The following ROBO2 variants were observed in gnomAD, a reference collection of about 807,000 sequenced individuals.
ROBO2 encodes roundabout homolog 2.
A neutral mutation model predicts 160.8 loss-of-function variants in ROBO2; 53 were observed. The observed-to-expected ratio is 0.33, with a 90% CI of 0.26 to 0.41. ROBO2 has a LOEUF of 0.41. Among genes scored for constraint, ROBO2 ranks in the 10% least tolerant of loss-of-function variants. The pLI, the probability that ROBO2 is intolerant of heterozygous loss-of-function variation, is 1.00. For missense variants in ROBO2, 1,577 were observed against 1,722.4 expected (o/e 0.92, Z 1.49); for synonymous variants, 664 against 611.7 (o/e 1.09, Z -1.26).
intron 2 of ROBO2, among the ~76,000 whole-genome samples, chr3:76,257,117 T>C (rs1407935999): frequency 1.3e-5 from 2 of 151,958 alleles, no homozygotes; most frequent in African/African-American, 2.4e-5. Flanking sequence ...CATTAGGGAT[T>C]ACAACTCATA....
intron 2 of ROBO2, among the ~76,000 whole-genome samples, chr3:77,359,837 C>T (rs182453281): frequency 3.3e-5 from 5 of 151,970 alleles, no homozygotes; most frequent in African/African-American, 1.2e-4. Context: ...TGCCACCACA[C>T]TCACCAAATA....
chr3:76,851,987 A>T (rs992965440), intron 2 of ROBO2, among the ~76,000 whole-genome samples: 5 of 152,006 alleles, frequency 3.3e-5, no homozygotes, highest in Non-Finnish European at 7.3e-5. Context: ...AGAAAGAAAA[A>T]CTACAGAGTA....
intron 2 of ROBO2, among the ~76,000 whole-genome samples, chr3:76,883,053 C>A (rs907485944): frequency 6.6e-6 from 1 of 152,156 alleles, no homozygotes; most frequent in Non-Finnish European, 1.5e-5. Context: ...TGATCCCAAA[C>A]AAAAACACCA....
intron 2 of ROBO2, among the ~76,000 whole-genome samples, chr3:76,886,855 C>T (rs1031261121): frequency 6.6e-6 from 1 of 152,104 alleles, no homozygotes; most frequent in African/African-American, 2.4e-5. Context: ...TATGTGGCTA[C>T]TTAAATGTAA....
intron 2 of ROBO2, among the ~76,000 whole-genome samples, chr3:76,762,997 C>T (rs1008775302): frequency 2.0e-5 from 3 of 151,592 alleles, no homozygotes; most frequent in Non-Finnish European, 3.0e-5. Context: ...ATTAATTAAG[C>T]TAATAAAATT....
intron 2 of ROBO2, among the ~76,000 whole-genome samples, chr3:76,946,756 A>T (rs2078573398): frequency 6.6e-6 from 1 of 152,124 alleles, no homozygotes; most frequent in Non-Finnish European, 1.5e-5. Context: ...ATCCCTGAGA[A>T]TCTTTTTCAC....
chr3:76,443,726 A>G (rs2077035887), intron 2 of ROBO2, among the ~76,000 whole-genome samples: 1 of 152,146 alleles, frequency 6.6e-6, no homozygotes, highest in Non-Finnish European at 1.5e-5. Context: ...TAAAAAGGCA[A>G]CTTACTGGGA....
At chr3:76,617,367 C>T (rs1252012566) in intron 2 of ROBO2, among the ~76,000 whole-genome samples, 1 of 152,042 alleles carries the variant, frequency 6.6e-6, no homozygotes, top group African/African-American at 2.4e-5. Context: ...CCATTTGCAA[C>T]TCATTTTTTA....
chr3:76,281,828 G>C (rs1257158971), intron 2 of ROBO2, among the ~76,000 whole-genome samples: 1 of 151,918 alleles, frequency 6.6e-6, no homozygotes, highest in East Asian at 1.9e-4. Context: ...GATTTTTCCT[G>C]GTGCCTATGA....
rs532233338 is a variant in ROBO2 at position 76,750,293 on chromosome 3, A to G, written c.110-347721A>G. Among the ~76,000 whole-genome samples the G allele has an allele frequency of 7.0e-4, 106 of 152,236 alleles. 1 individual carries two copies. The highest frequency in any genetic ancestry group is 2.4e-3 in the African/African-American group (101 of 41,550). On this transcript the variant is annotated intron_variant, in intron 2 of 26. Transcript: ENST00000487694. Reference sequence around the variant, plus strand: ...AATAAATTAGGTATTGATGGGACGTATCTCAAAATAATGAGAGCTATTTAT... The same window carrying G: ...AATAAATTAGGTATTGATGGGACGTGTCTCAAAATAATGAGAGCTATTTAT...
At chr3:77,190,535 C>CT (rs34494903) in intron 2 of ROBO2, among the ~76,000 whole-genome samples, 1 of 151,848 alleles carries the variant, frequency 6.6e-6, no homozygotes, top group Non-Finnish European at 1.5e-5. Context: ...TATAGTGTAA[C>CT]TTTTTTTACG....
chr3:77,184,665 A>T (rs1430121034), intron 2 of ROBO2, among the ~76,000 whole-genome samples: 2 of 152,058 alleles, frequency 1.3e-5, no homozygotes, highest in Non-Finnish European at 2.9e-5. Context: ...ATGTATTTTC[A>T]ATCCTTATCT....
At chr3:77,549,910 G>T (rs1190802296) in intron 7 of ROBO2, among the ~76,000 whole-genome samples, 2 of 151,750 alleles carry the variant, frequency 1.3e-5, no homozygotes, top group Non-Finnish European at 2.9e-5. Flanking sequence ...GTCCTTTTTT[G>T]TAAGTAAATA....
intron 2 of ROBO2, among the ~76,000 whole-genome samples, chr3:76,036,047 C>T (rs1329923958): frequency 6.6e-6 from 1 of 151,686 alleles, no homozygotes; most frequent in Non-Finnish European, 1.5e-5. Context: ...GATTCTGGTG[C>T]TGAAAAAAAA....
chr3:77,068,287 T>C (rs1490440409), intron 1 of ROBO2, among the ~76,000 whole-genome samples: 1 of 152,078 alleles, frequency 6.6e-6, no homozygotes, highest in Non-Finnish European at 1.5e-5. Context: ...AAAGAAAGCT[T>C]TATGTCTTAT....
At chr3:76,640,073 C>T (rs1220853870) in intron 2 of ROBO2, among the ~76,000 whole-genome samples, 2 of 152,128 alleles carry the variant, frequency 1.3e-5, no homozygotes, top group Non-Finnish European at 2.9e-5. Flanking sequence ...CCGTACTAGA[C>T]TTGAACAAAT....
chr3:76,490,958 G>GTTT (rs148645066), intron 2 of ROBO2, among the ~76,000 whole-genome samples: 1 of 148,344 alleles, frequency 6.7e-6, no homozygotes, highest in African/African-American at 2.5e-5. Context: ...GATTAATTTT[G>GTTT]TTTTTTTTTT....
chr3:76,065,726 ATTTAAAC>A (rs372915270), intron 2 of ROBO2, among the ~76,000 whole-genome samples: 1,992 of 96,870 alleles, frequency 0.021, 46 homozygotes, highest in African/African-American at 0.066. Context: ...ATATATGCAT[ATTTAAAC>A]TAAATATATA....
chr3:76,938,795 C>A (rs184664772), intron 2 of ROBO2, among the ~76,000 whole-genome samples: 3 of 152,064 alleles, frequency 2.0e-5, no homozygotes, highest in African/African-American at 7.2e-5. Context: ...CATGGAGAAA[C>A]CCCGTCTCTA....
Sources: allele counts gnomAD v4.1 joint callset (sites outside exome capture counted in the v4.1 genomes callset), GRCh38; gene constraint gnomAD v4.1.1; transcripts MANE v1.5; gene names NCBI Gene and HGNC (gene_info 2026-07-23, HGNC 2026-07-21).